Variants in SLC7A5 observed in about 807,000 individuals in gnomAD.
The protein encoded by SLC7A5 is solute carrier family 7 member 5.
Under a neutral mutation model 50.2 loss-of-function variants are expected in SLC7A5, and 23 were observed. The ratio of observed to expected loss-of-function variants is 0.46; its 90% CI spans 0.33 to 0.65. The LOEUF (loss-of-function observed/expected upper bound fraction) is 0.65, where lower values mean the gene tolerates loss of function less well. Ranked by LOEUF, SLC7A5 falls within the 30% of genes least tolerant of loss-of-function variation. SLC7A5 has a pLI of 0.02. For missense variants in SLC7A5, 578 were observed against 684.4 expected, an observed-to-expected ratio of 0.84 and a Z score of 1.73; for synonymous variants, 393 against 330.6, an observed-to-expected ratio of 1.19 and a Z score of -2.05.
intron 1 of SLC7A5, among the ~76,000 whole-genome samples, chr16:87,856,827 G>A (rs1470061201): frequency 1.3e-5 from 2 of 152,110 alleles, no homozygotes; most frequent in Admixed American, 6.5e-5. Flanking sequence ...CATCCCCCGG[G>A]GGAACTTATA....
chr16:87,842,105 G>T (rs191887374), intron 2 of SLC7A5, among the ~76,000 whole-genome samples: 348 of 150,202 alleles, frequency 2.3e-3, no homozygotes, highest in African/African-American at 8.1e-3. Context: ...AACTTGGAAA[G>T]AAGACCAAAG....
rs925824513 is a variant in SLC7A5, at chr16:87,833,840, C to T, written c.1468+574G>A. Reference sequence around the variant, plus strand: ...TGCCGCTGCACACAGGGCCGGGGGGCGGGTTTCTCCTTCTGCCTTTTTTTT... The same window carrying T: ...TGCCGCTGCACACAGGGCCGGGGGGTGGGTTTCTCCTTCTGCCTTTTTTTT... On this transcript the variant is annotated intron_variant, in intron 9 of 9. Transcript: ENST00000261622. The surrounding 1 kb of genome is among the most constrained non-coding windows in gnomAD (Gnocchi z 6.0). Among the ~76,000 whole-genome samples the T allele has an allele frequency of 1.5e-4, 22 of 144,828 alleles. No homozygotes were observed. The highest frequency in any genetic ancestry group is 5.4e-4 in the African/African-American group (21 of 38,778).
At chr16:87,839,173 G>C (rs976257300) in intron 5 of SLC7A5, among the ~76,000 whole-genome samples, 2 of 152,232 alleles carry the variant, frequency 1.3e-5, no homozygotes, top group African/African-American at 4.8e-5. Flanking sequence ...GTCAGAGCTT[G>C]TTCAGTAGGA....
intron 1 of SLC7A5, among the ~76,000 whole-genome samples, chr16:87,867,313 G>A (rs2055475517): frequency 1.3e-5 from 2 of 152,198 alleles, no homozygotes; most frequent in African/African-American, 4.8e-5. Context: ...CTAGGCGGGA[G>A]GGAGACTGAA....
chr16:87,855,082 G>A (rs559487144), intron 1 of SLC7A5, among the ~76,000 whole-genome samples: 5 of 152,366 alleles, frequency 3.3e-5, no homozygotes, highest in Admixed American at 6.5e-5. Context: ...TCCTGGTCCT[G>A]ACTCAAAAGC....
intron 2 of SLC7A5, among the ~76,000 whole-genome samples, chr16:87,850,699 C>T (rs1302230469): frequency 2.0e-5 from 3 of 152,236 alleles, no homozygotes; most frequent in South Asian, 2.1e-4. Flanking sequence ...ACTCAAGCAA[C>T]AGGGCCCCCC....
At chr16:87,858,495 C>T (rs1048427792) in intron 1 of SLC7A5, among the ~76,000 whole-genome samples, 1 of 152,176 alleles carries the variant, frequency 6.6e-6, no homozygotes, top group South Asian at 2.1e-4. Flanking sequence ...AAACCCGCTC[C>T]AGTCACGGTA....
At chr16:87,837,321 C>G (rs560845047) in intron 7 of SLC7A5, 77 of 190,562 alleles carry the variant, frequency 4.0e-4, no homozygotes, top group African/African-American at 1.6e-3. Flanking sequence ...CAGCCCTGGT[C>G]ACACCCTACG....
At chr16:87,845,332 A>G (rs1185392494) in intron 2 of SLC7A5, among the ~76,000 whole-genome samples, 2 of 152,198 alleles carry the variant, frequency 1.3e-5, no homozygotes, top group Non-Finnish European at 2.9e-5. Context: ...AGCACCCTGG[A>G]GCTAGCTGCC....
chr16:87,835,993 G>A (rs1036799019), intron 8 of SLC7A5, among the ~76,000 whole-genome samples: 1 of 152,238 alleles, frequency 6.6e-6, no homozygotes, highest in African/African-American at 2.4e-5. Flanking sequence ...CAAGAGCATG[G>A]CCTCTGCTGG....
At chr16:87,865,565 C>G (rs1182969509) in intron 1 of SLC7A5, among the ~76,000 whole-genome samples, 1 of 152,048 alleles carries the variant, frequency 6.6e-6, no homozygotes, top group African/African-American at 2.4e-5. Context: ...AAAAAATTAG[C>G]TGGGCATGGT....
chr16:87,834,266 G>A (rs747578), intron 9 of SLC7A5, 148 bp downstream of exon 9: 209,380 of 749,612 alleles, frequency 0.28, 33,661 homozygotes, highest in East Asian at 0.62. Context: ...TGTGGGCTGC[G>A]TGTCACTGGC....
chr16:87,837,583 G>C (rs1043109946), intron 7 of SLC7A5: 3 of 491,682 alleles, frequency 6.1e-6, no homozygotes, highest in South Asian at 4.8e-5. Flanking sequence ...GCGGCTGGCA[G>C]AGCAGCACCC....
chr16:87,849,753 C>G (rs929407234), intron 2 of SLC7A5, among the ~76,000 whole-genome samples: 24 of 152,222 alleles, frequency 1.6e-4, no homozygotes, highest in African/African-American at 5.8e-4. Flanking sequence ...CAGGAAGGTT[C>G]AGAATTGGGA....
Position 87,860,931 on chromosome 16 carries a change from G to A in SLC7A5, c.538+7954C>T, listed in dbSNP as rs1386506940. On this transcript the variant is annotated intron_variant, in intron 1 of 9. Coordinates refer to ENST00000261622, the MANE Select transcript of SLC7A5 (RefSeq NM_003486.7). This position sits in a 1 kb window ranked among gnomAD's most constrained non-coding sequence, Gnocchi z 4.8. ...ACGCCTCCCACACTCCCGGAGGCACGCACGTGCTGTGGCCACCCCGGAGGG... is the reference window on the plus strand; with the variant it reads ...ACGCCTCCCACACTCCCGGAGGCACACACGTGCTGTGGCCACCCCGGAGGG... Among the ~76,000 whole-genome samples the A allele has an allele frequency of 6.6e-6, 1 of 152,212 alleles. No individual in the cohort carries two copies.
chr16:87,843,987 C>T (rs1431390207), intron 2 of SLC7A5, among the ~76,000 whole-genome samples: 1 of 151,024 alleles, frequency 6.6e-6, no homozygotes, highest in Non-Finnish European at 1.5e-5. Flanking sequence ...AATGGCTGAG[C>T]GGCCCACTCA....
chr16:87,836,407 T>TGGGATGC, intron 8 of SLC7A5, 91 bp downstream of exon 8: 1 of 1,468,962 alleles, frequency 6.8e-7, no homozygotes, highest in Non-Finnish European at 9.4e-7. Flanking sequence ...GAGGCTGAGC[T>TGGGATGC]GGGATGCTGG....
chr16:87,862,085 G>A lies in SLC7A5; in HGVS notation c.538+6800C>T, dbSNP rs932716925. On this transcript the variant is annotated intron_variant, in intron 1 of 9. Transcript: ENST00000261622. This position sits in a 1 kb window ranked among gnomAD's most constrained non-coding sequence, Gnocchi z 5.3. The stretch of plus-strand genomic sequence containing the variant: ...GCAGGGATCCCAAAACCCAACCCGG[G>A]GCCAGGTTTTACACAGGCCTGGACT... 2.0e-4 allele frequency among the ~76,000 whole-genome samples: 30 copies of A among 152,142 alleles called. No homozygotes were observed. Among genetic ancestry groups the A allele is most frequent in the Admixed American group, 2.0e-3 (30 of 15,276 alleles).
Position 87,842,615 on chromosome 16 carries a change from T to C in SLC7A5, c.665-1460A>G, listed in dbSNP as rs541539662. 2.6e-5 allele frequency among the ~76,000 whole-genome samples: 4 copies of C among 152,322 alleles called. No homozygotes were observed. In the South Asian group the frequency reaches 8.3e-4, roughly 32 times the overall value. The stretch of plus-strand genomic sequence containing the variant: ...GCCTGCGGCTCTGCCTCCAGCTCTG[T>C]CTGTCCCAGATGCCAGGTGTGCTGG... On this transcript the variant is annotated intron_variant, in intron 2 of 9. Coordinates refer to ENST00000261622, the MANE Select transcript of SLC7A5 (RefSeq NM_003486.7).
Sources: gnomAD v4.1 joint callset for allele counts (sites outside exome capture counted in the v4.1 genomes callset) on GRCh38, gnomAD v4.1.1 for gene constraint, Gnocchi (gnomAD v3.1) non-coding constraint, MANE v1.5 for transcripts, NCBI Gene and HGNC (gene_info 2026-07-23, HGNC 2026-07-21) for gene names.